The following DNAH12 variants were observed in gnomAD, a reference collection of about 807,000 sequenced individuals.
DNAH12 encodes the protein axonemal beta dynein heavy chain 12.
In DNAH12, 285 loss-of-function variants were observed where a neutral mutation model predicts 371.5. The observed-to-expected ratio is 0.77, with a 90% CI of 0.70 to 0.85. The LOEUF is 0.85. DNAH12 is among the 40% of genes least tolerant of loss of function. DNAH12 has a pLI of 0.00. For synonymous variants in DNAH12, 1,200 were observed against 1,213.0 expected, an observed-to-expected ratio of 0.99 and a Z score of 0.22; for missense variants, 3,611 against 3,689.4, an observed-to-expected ratio of 0.98 and a Z score of 0.55.
Position 57,375,477 on chromosome 3 carries a change from T to C in DNAH12, c.8653A>G (p.Lys2885Glu), listed in dbSNP as rs2063263274. ...IPCSEEFLLS[K>E]TLGDPVKIRA... Reference sequence around the variant, plus strand: ...ATTTTTACTGGATCACCCAGGGTTTTACTCAACAAGAACTCCTCTGAACAC... The same window carrying C: ...ATTTTTACTGGATCACCCAGGGTTTCACTCAACAAGAACTCCTCTGAACAC... The change falls in exon 55 of 74, where the codon AAA becomes GAA. Residue 2885 changes from lysine (K) to glutamate (E), a missense_variant. By Grantham distance (56) the Lys-to-Glu change is moderately conservative. This residue lies in a region of DNAH12 where 2,266 missense variants were observed against 2,236.9 expected (regional missense o/e 1.01). Coordinates refer to ENST00000495027, the MANE Select transcript of DNAH12 (RefSeq NM_001366028.2). 1 of 152,156 alleles carries C rather than the reference T, an allele frequency of 6.6e-6. No individual in the cohort carries two copies. Among genetic ancestry groups the C allele is most frequent in the Non-Finnish European group, 1.5e-5 (1 of 68,010 alleles). 9.4% of individuals were successfully genotyped at this position (152,156 alleles called of 1,614,324 possible).
rs2063692591 is a variant in DNAH12, at chr3:57,394,257, C to T, written c.7024G>A (p.Ala2342Thr). 1 of 152,228 alleles carries T rather than the reference C, an allele frequency of 6.6e-6. No individual in the cohort carries two copies. The highest frequency in any genetic ancestry group is 1.5e-5 in the Non-Finnish European group (1 of 68,042). The allele number at this position is 152,228 out of a possible 1,614,324, so 9.4% of individuals were successfully genotyped here. The change falls in exon 44 of 74, where the codon GCT becomes ACT. Residue 2342 changes from alanine (A) to threonine (T), a missense_variant. By Grantham distance (58) the Ala-to-Thr change is moderately conservative. This residue lies in a region of DNAH12 where 2,266 missense variants were observed against 2,236.9 expected (regional missense o/e 1.01). Coordinates refer to ENST00000495027, the MANE Select transcript of DNAH12 (RefSeq NM_001366028.2). Reference protein sequence around the residue: ...LITDTQIKEEAFLEDIDSVLN... With the variant: ...LITDTQIKEETFLEDIDSVLN... ...ACACTGTCGATATCCTCTAGGAAAG[C>T]TTCCTCTTTAATCTGAGTGTCCGTG...
intron 58 of DNAH12, among the ~76,000 whole-genome samples, chr3:57,362,987 T>C (rs2062970583): frequency 6.6e-6 from 1 of 152,150 alleles, no homozygotes; most frequent in South Asian, 2.1e-4. Flanking sequence ...TCTTCTAGGG[T>C]TTTTACAGTT....
chr3:57,383,292 A>G (rs1468776774), intron 49 of DNAH12, among the ~76,000 whole-genome samples: 1 of 152,156 alleles, frequency 6.6e-6, no homozygotes, highest in Non-Finnish European at 1.5e-5. Flanking sequence ...ACTGAACTCT[A>G]ACTCAGGTAA....
rs914122565 is a variant in DNAH12, at chr3:57,308,214, G to A, written c.11189+937C>T. Among the ~76,000 whole-genome samples, 8 of 152,206 alleles carry A rather than the reference G, an allele frequency of 5.3e-5. 1 individual carries two copies. The South Asian group carries it at 1.7e-3, about 32-fold the overall frequency. The stretch of plus-strand genomic sequence containing the variant: ...CACAGGGTCTAAGAAGGCCACCATG[G>A]TCACTTCTTCCCTTCTGTCAGACAT... On this transcript the variant is annotated intron_variant, in intron 69 of 73. Coordinates refer to ENST00000495027, the MANE Select transcript of DNAH12 (RefSeq NM_001366028.2).
At chr3:57,529,729 T>C (rs1468735791) in intron 2 of DNAH12, among the ~76,000 whole-genome samples, 2 of 152,226 alleles carry the variant, frequency 1.3e-5, no homozygotes, top group Non-Finnish European at 2.9e-5. Flanking sequence ...CATTCCAATG[T>C]CATTTATTTC....
intron 60 of DNAH12, among the ~76,000 whole-genome samples, chr3:57,341,869 AC>A (rs34279832): frequency 0.36 from 54,895 of 151,978 alleles, 10,840 homozygotes; most frequent in African/African-American, 0.51. Context: ...GAAATATACT[AC>A]CAAAGCTCTA....
intron 65 of DNAH12, among the ~76,000 whole-genome samples, chr3:57,322,063 G>A (rs539914160): frequency 1.1e-4 from 16 of 152,130 alleles, no homozygotes; most frequent in Admixed American, 1.3e-4. Flanking sequence ...TTCTACTCTC[G>A]GGTCCTAATC....
intron 43 of DNAH12, among the ~76,000 whole-genome samples, chr3:57,396,398 ATTTT>A (rs1263549371): frequency 6.7e-6 from 1 of 149,202 alleles, no homozygotes; most frequent in African/African-American, 2.5e-5. Context: ...CATCATCGTG[ATTTT>A]TTTTTTGTTT....
chr3:57,396,304 A>AAAC lies in DNAH12; in HGVS notation c.6949-1973_6949-1972insGTT, dbSNP rs1483130157. Among the ~76,000 whole-genome samples the AAAC allele has an allele frequency of 1.4e-3, 195 of 141,934 alleles. 1 individual carries two copies. Among genetic ancestry groups the AAAC allele is most frequent in the East Asian group, 4.1e-3 (19 of 4,592 alleles). 93.1% of individuals were successfully genotyped at this position (141,934 alleles called of 152,430 possible). On this transcript the variant is annotated intron_variant, in intron 43 of 73. Transcript: ENST00000495027. ...AAAAAAAAAAACAAAAAAAAAAAAA[A>AAAC]AAAAAAGAGAACCATAAACATTTTA...
chr3:57,537,449 T>C (rs547888667), intron 2 of DNAH12, among the ~76,000 whole-genome samples: 1 of 151,880 alleles, frequency 6.6e-6, no homozygotes, highest in South Asian at 2.1e-4. Flanking sequence ...CTGGTCCTAG[T>C]AGGGGGTCCA....
intron 69 of DNAH12, among the ~76,000 whole-genome samples, chr3:57,303,661 TA>T (rs2061410153): frequency 6.6e-6 from 1 of 152,134 alleles, no homozygotes; most frequent in African/African-American, 2.4e-5. Flanking sequence ...GCCTCGGCCT[TA>T]TAAAGTGTTG....
At position 57,446,246 on chromosome 3, in the gene DNAH12, C is replaced by T. The variant is rs1559668490; in HGVS notation, c.3964G>A (p.Gly1322Ser). The change falls in exon 27 of 74, where the codon GGT becomes AGT. Residue 1322 changes from glycine (G) to serine (S), a missense_variant. Physicochemically the swap from Gly to Ser is moderately conservative, Grantham distance 56 (BLOSUM62 0). This residue lies in a region of DNAH12 where 2,266 missense variants were observed against 2,236.9 expected (regional missense o/e 1.01). Coordinates refer to ENST00000495027, the MANE Select transcript of DNAH12 (RefSeq NM_001366028.2). ...AATTCATCAAAGCAAGCCCAAGCAC[C>T]AGAAGAAGCCAGTCCTTTAAAAAAC... ...GKFFKGLASS[G>S]AWACFDEFNR... The T allele has an allele frequency of 6.4e-7, 1 of 1,551,704 alleles. No individual in the cohort carries two copies.
intron 2 of DNAH12, among the ~76,000 whole-genome samples, chr3:57,533,393 T>A (rs926650060): frequency 4.6e-5 from 7 of 152,166 alleles, no homozygotes; most frequent in Non-Finnish European, 8.8e-5. Context: ...TCTGCTTTTT[T>A]CAAGCAGATG....
intron 71 of DNAH12, 122 bp from the exon 72 acceptor site, chr3:57,296,557 CTA>C: frequency 1.2e-6 from 1 of 814,256 alleles, no homozygotes; most frequent in Non-Finnish European, 1.9e-6. Context: ...GCTTGTTAAA[CTA>C]TACATTTTTT....
intron 67 of DNAH12, 46 bp downstream of exon 67, chr3:57,310,671 G>GA: frequency 7.4e-7 from 1 of 1,348,788 alleles, no homozygotes; most frequent in South Asian, 1.3e-5. Flanking sequence ...TTTGCTGTTA[G>GA]AAAAATCACA....
chr3:57,483,276 T>A, intron 13 of DNAH12, 100 bp downstream of exon 13: 3 of 1,412,126 alleles, frequency 2.1e-6, no homozygotes, highest in Non-Finnish European at 2.9e-6. Flanking sequence ...ACCGCTCAAT[T>A]TACAGCTATT....
intron 43 of DNAH12, among the ~76,000 whole-genome samples, chr3:57,400,687 A>C (rs2063838755): frequency 6.6e-6 from 1 of 152,242 alleles, no homozygotes; most frequent in Non-Finnish European, 1.5e-5. Flanking sequence ...TACTGTGCTT[A>C]TCTCTTTTTG....
chr3:57,523,852 G>C lies in DNAH12; in HGVS notation c.203C>G (p.Thr68Arg). Residue 68 changes from threonine to arginine, a missense_variant, in exon 3 of 74, where the codon ACA becomes AGA. Thr to Arg is a moderately conservative substitution (Grantham distance 71). Around this residue, in one of 3 missense-constraint regions of DNAH12, gnomAD observed 1,314 missense variants for 1,398.7 expected, o/e 0.94. Coordinates refer to ENST00000495027, the MANE Select transcript of DNAH12 (RefSeq NM_001366028.2). ...TAATAGAGGTGTTCTTTTACCCAGTGTTCTGTCTAAATTTCTTTTGGCTCC... is the reference window on the plus strand; with the variant it reads ...TAATAGAGGTGTTCTTTTACCCAGTCTTCTGTCTAAATTTCTTTTGGCTCC... ...IDGAKRNLDR[T>R]LGKRTPLLPP... 1 of 1,605,610 alleles carries C rather than the reference G, an allele frequency of 6.2e-7. No individual in the cohort carries two copies. Among genetic ancestry groups the C allele is most frequent in the South Asian group, 1.1e-5 (1 of 89,058 alleles).
intron 70 of DNAH12, among the ~76,000 whole-genome samples, chr3:57,298,525 G>A (rs985878088): frequency 6.6e-6 from 1 of 152,206 alleles, no homozygotes; most frequent in Non-Finnish European, 1.5e-5. Context: ...CCTGGAGTTT[G>A]CAGTTACATG....
Sources: gnomAD v4.1 joint callset for allele counts (sites outside exome capture counted in the v4.1 genomes callset) on GRCh38, gnomAD v4.1.1 for gene constraint, gnomAD v4.1.1 regional missense constraint, MANE v1.5 for transcripts, NCBI Gene and HGNC (gene_info 2026-07-23, HGNC 2026-07-21) for gene names.